IL32: variants seen among roughly 807,000 people sequenced by gnomAD.
The protein encoded by IL32 is interleukin-32.
In IL32, 30 loss-of-function variants were observed where a neutral mutation model predicts 16.6. The observed-to-expected ratio is 1.81, with a 90% CI of 1.35 to 2.45. IL32 has a LOEUF of 2.45. Ranked by LOEUF, IL32 falls within the 30% of genes most tolerant of loss-of-function variation. The pLI is 0.00. For missense variants in IL32, 234 were observed against 229.8 expected, an observed-to-expected ratio of 1.02 and a Z score of -0.12; for synonymous variants, 70 against 86.1, an observed-to-expected ratio of 0.81 and a Z score of 1.03.
chr16:3,067,848 G>C, intron 4 of IL32, 136 bp from the exon 5 acceptor site: 1 of 1,045,946 alleles, frequency 9.6e-7, no homozygotes. Flanking sequence ...CAACAGGGGT[G>C]CCAGACGTGG....
chr16:3,067,792 G>C, intron 4 of IL32, 179 bp downstream of exon 4: 1 of 810,154 alleles, frequency 1.2e-6, no homozygotes, highest in Admixed American at 2.2e-5. Flanking sequence ...CTGGACGCCC[G>C]GGGAGACTGA....
At chr16:3,068,114 TG>T in intron 5 of IL32, 65 bp from the exon 6 acceptor site, 1 of 1,602,770 alleles carries the variant, frequency 6.2e-7, no homozygotes, top group Non-Finnish European at 8.5e-7. Context: ...CCTGGACCAG[TG>T]GGGGCCACAG....
intron 2 of IL32, 114 bp from the exon 3 acceptor site, chr16:3,067,263 A>ATGTGTCTCGTGTG: frequency 2.1e-6 from 1 of 475,076 alleles, no homozygotes; most frequent in South Asian, 3.1e-5. Context: ...TACCTCTGCC[A>ATGTGTCTCGTGTG]TGTGTCTCTG....
At chr16:3,067,491 C>T (rs1384785063) in intron 3 of IL32, 63 bp from the exon 4 acceptor site, 4 of 1,613,932 alleles carry the variant, frequency 2.5e-6, no homozygotes, top group Admixed American at 1.7e-5. Context: ...CACTGTGGGA[C>T]ACCTGGGACC....
rs1596233591 is a variant in IL32, at chr16:3,065,683, C to T, written c.-33C>T. The T allele has an allele frequency of 1.1e-6, 1 of 936,452 alleles. No individual in the cohort carries two copies. Among genetic ancestry groups the T allele is most frequent in the Admixed American group, 1.7e-5 (1 of 58,056 alleles). 58.0% of individuals were successfully genotyped at this position (936,452 alleles called of 1,614,324 possible). A position where few individuals can be genotyped will look rare whatever the true frequency, so the allele number is the denominator to read the frequency against. ...GACTGTCTCAGTGGAGCTGGGTCATCTCAGGTGGGGAGTTGGGGTCCCCGA... is the reference window on the plus strand; with the variant it reads ...GACTGTCTCAGTGGAGCTGGGTCATTTCAGGTGGGGAGTTGGGGTCCCCGA... On this transcript the variant is annotated 5_prime_UTR_variant, in exon 1 of 7. Transcript: ENST00000525643.
At position 3,065,863 on chromosome 16, in the gene IL32, C is replaced by G. The variant is rs368745485; in HGVS notation, c.15+37C>G. On this transcript the variant is annotated intron_variant, in intron 2 of 6. Transcript: ENST00000525643. ...GCTGCGTGTGCTTTTGTGGGCATGTCTGAAAACAGACCGTAAGGGTGCGGG... is the reference window on the plus strand; with the variant it reads ...GCTGCGTGTGCTTTTGTGGGCATGTGTGAAAACAGACCGTAAGGGTGCGGG... 1.4e-4 allele frequency: 225 copies of G among 1,613,540 alleles called. 1 individual carries two copies. The highest frequency in any genetic ancestry group is 9.9e-4 in the Middle Eastern group (6 of 6,080).
chr16:3,065,674 C>G lies in IL32; in HGVS notation c.-42C>G, dbSNP rs200747801. 95 of 848,472 alleles carry G rather than the reference C, an allele frequency of 1.1e-4. No homozygotes were observed. The highest frequency in any genetic ancestry group is 1.7e-4 in the Non-Finnish European group (83 of 487,670). 52.6% of individuals were successfully genotyped at this position (848,472 alleles called of 1,614,324 possible). ...GCAGAAGGTGACTGTCTCAGTGGAG[C>G]TGGGTCATCTCAGGTGGGGAGTTGG... On this transcript the variant is annotated 5_prime_UTR_variant, in exon 1 of 7. Coordinates refer to ENST00000525643, the MANE Select transcript of IL32 (RefSeq NM_001376923.1).
chr16:3,067,555 A>T lies in IL32; in HGVS notation c.56A>T (p.His19Leu). Residue 19 changes from histidine to leucine, a missense_variant and splice_region_variant, in exon 4 of 7, where the codon CAC (histidine) becomes CTC (leucine). Physicochemically the swap from His to Leu is moderately conservative, Grantham distance 99 (BLOSUM62 -3). Transcript: ENST00000525643. The stretch of plus-strand genomic sequence containing the variant: ...TGCCAACTCTGCCTCTCTTCACAGC[A>T]CCAGGCCATAGAAAGATTTTATGAT... ...DDMKKLKARM[H>L]QAIERFYDKM... 1 of 1,614,032 alleles carries T rather than the reference A, an allele frequency of 6.2e-7. No individual in the cohort carries two copies. Among genetic ancestry groups the T allele is most frequent in the South Asian group, 1.1e-5 (1 of 91,074 alleles).
In IL32 at chr16:3,067,228, G is replaced by A. The variant is rs552019866; in HGVS notation, c.16-149G>A. On this transcript the variant is annotated intron_variant, in intron 2 of 6. Transcript: ENST00000525643. ...TCTTTCCAGGCTGTGAGGGGCTCCTGGGACTGCTGTCTCCTCTTATCCTGT... is the reference window on the plus strand; with the variant it reads ...TCTTTCCAGGCTGTGAGGGGCTCCTAGGACTGCTGTCTCCTCTTATCCTGT... 81 of 596,192 alleles carry A rather than the reference G, an allele frequency of 1.4e-4. 2 individuals carry two copies. Among genetic ancestry groups the A allele is most frequent in the South Asian group, 1.3e-3 (55 of 41,704 alleles). 36.9% of individuals were successfully genotyped at this position (596,192 alleles called of 1,614,324 possible). A position where few individuals can be genotyped will look rare whatever the true frequency, so the allele number is the denominator to read the frequency against.
Position 3,066,881 on chromosome 16 carries a change from G to C in IL32, c.16-496G>C, listed in dbSNP as rs540985058. Among the ~76,000 whole-genome samples, 4 of 151,980 alleles carry C rather than the reference G, an allele frequency of 2.6e-5. No homozygotes were observed. The East Asian group carries it at 5.8e-4, about 22-fold the overall frequency. On this transcript the variant is annotated intron_variant, in intron 2 of 6. Coordinates refer to ENST00000525643, the MANE Select transcript of IL32 (RefSeq NM_001376923.1). ...TCCATCCTCCCGTGTGTGTACATGGGGGGGTGTGTGTGTGCAGGGAGGACA... is the reference window on the plus strand; with the variant it reads ...TCCATCCTCCCGTGTGTGTACATGGCGGGGTGTGTGTGTGCAGGGAGGACA...
upstream of IL32, chr16:3,065,486 C>T (rs1956217636): frequency 6.4e-6 from 3 of 470,630 alleles, no homozygotes; most frequent in South Asian, 6.9e-5. Context: ...AGACCTCTGT[C>T]TCTCTCGGGT....
chr16:3,066,319 C>G (rs962057344), intron 2 of IL32, among the ~76,000 whole-genome samples: 4 of 152,228 alleles, frequency 2.6e-5, no homozygotes, highest in Admixed American at 2.6e-4. Flanking sequence ...ATGATGTGGC[C>G]TGGCTCAGGT....
At chr16:3,068,066 G>A (rs2151195475) in intron 5 of IL32, 56 bp downstream of exon 5, 3 of 1,609,916 alleles carry the variant, frequency 1.9e-6, no homozygotes, top group East Asian at 2.2e-5. Context: ...AGGCTCCACA[G>A]GACACTGGGT....
intron 2 of IL32, 92 bp from the exon 3 acceptor site, chr16:3,067,285 G>A: frequency 1.8e-6 from 1 of 544,516 alleles, no homozygotes; most frequent in East Asian, 3.2e-5. Context: ...GTGTGTGTGT[G>A]TGTGTGTGTG....
chr16:3,065,528 T>A, upstream of IL32: 1 of 569,882 alleles, frequency 1.8e-6, no homozygotes, highest in Non-Finnish European at 3.2e-6. Context: ...TCTGTCTCTG[T>A]CTCTGTCTCT....
chr16:3,065,596 C>A (rs144251903), upstream of IL32: 11 of 657,352 alleles, frequency 1.7e-5, no homozygotes, highest in South Asian at 3.5e-5. Flanking sequence ...CCGCCCACTA[C>A]CCCCCACTTT....
intron 4 of IL32, 53 bp from the exon 5 acceptor site, chr16:3,067,931 T>A: frequency 6.2e-7 from 1 of 1,601,692 alleles, no homozygotes; most frequent in Non-Finnish European, 8.6e-7. Flanking sequence ...GACTGACTGA[T>A]GTGGGGTGCA....
At chr16:3,067,525 T>C in intron 3 of IL32, 29 bp from the exon 4 acceptor site, 4 of 1,614,048 alleles carry the variant, frequency 2.5e-6, no homozygotes, top group Non-Finnish European at 3.4e-6. Context: ...GATCCGGCCC[T>C]TTGGTGCCAA....
intron 2 of IL32, among the ~76,000 whole-genome samples, chr16:3,066,945 CACCTA>C (rs1446601506): frequency 6.8e-6 from 1 of 146,344 alleles, no homozygotes; most frequent in Non-Finnish European, 1.5e-5. Flanking sequence ...GAGGAGGGGT[CACCTA>C]GGCCCACGCA....
Sources: gnomAD v4.1 joint callset for allele counts (sites outside exome capture counted in the v4.1 genomes callset) on GRCh38, gnomAD v4.1.1 for gene constraint, MANE v1.5 for transcripts, NCBI Gene and HGNC (gene_info 2026-07-23, HGNC 2026-07-21) for gene names.